SOX5: variants seen among roughly 807,000 people sequenced by gnomAD.
SOX5 encodes transcription factor SOX-5.
SOX5 carries 9 observed loss-of-function variants against 92.0 expected under a neutral mutation model. That is an observed-to-expected ratio of 0.10 (90% CI 0.06 to 0.17). The LOEUF (loss-of-function observed/expected upper bound fraction) is 0.17, where lower values mean the gene tolerates loss of function less well. SOX5 is among the 10% of genes least tolerant of loss of function. The pLI, the probability that SOX5 is intolerant of heterozygous loss-of-function variation, is 1.00. For missense variants in SOX5, 642 were observed against 944.5 expected (o/e 0.68, Z 4.20); for synonymous variants, 344 against 336.3 (o/e 1.02, Z -0.25).
At chr12:23,694,422 A>T (rs1039071475) in intron 6 of SOX5, among the ~76,000 whole-genome samples, 16 of 151,752 alleles carry the variant, frequency 1.1e-4, no homozygotes, top group African/African-American at 3.9e-4. Context: ...CCTCATTTTC[A>T]TATTTCTCAT....
intron 1 of SOX5, among the ~76,000 whole-genome samples, chr12:24,557,659 C>A (rs1953943377): frequency 6.6e-6 from 1 of 152,170 alleles, no homozygotes; most frequent in Admixed American, 6.5e-5. Context: ...ATCCCTATGA[C>A]TACTGTATTA....
At chr12:23,577,191 A>ATTTTTTTTTT (rs1175798388) in intron 9 of SOX5, among the ~76,000 whole-genome samples, 1 of 61,406 alleles carries the variant, frequency 1.6e-5, no homozygotes, top group Non-Finnish European at 3.2e-5. Context: ...ATATATATAT[A>ATTTTTTTTTT]TTTTTTTTTT....
intron 4 of SOX5, among the ~76,000 whole-genome samples, chr12:24,161,144 G>A (rs1210784764): frequency 6.6e-6 from 1 of 152,136 alleles, no homozygotes; most frequent in Non-Finnish European, 1.5e-5. Context: ...AGTCCTGCCT[G>A]AAAGGCAGTG....
intron 4 of SOX5, among the ~76,000 whole-genome samples, chr12:24,098,056 T>G (rs1310559927): frequency 2.6e-5 from 4 of 152,158 alleles, no homozygotes; most frequent in Admixed American, 1.3e-4. Flanking sequence ...TTTATGAATT[T>G]TAGTCACTAG....
At chr12:24,409,783 C>T (rs1472541354) in intron 1 of SOX5, among the ~76,000 whole-genome samples, 1 of 152,170 alleles carries the variant, frequency 6.6e-6, no homozygotes, top group East Asian at 1.9e-4. Flanking sequence ...TGCTTAGCTG[C>T]TATCTGTATA....
At chr12:24,108,541 CT>C (rs776263663) in intron 4 of SOX5, among the ~76,000 whole-genome samples, 3 of 152,010 alleles carry the variant, frequency 2.0e-5, no homozygotes, top group Non-Finnish European at 4.4e-5. Context: ...CTATAAGTAT[CT>C]TTATAAGTAC....
At chr12:24,384,464 T>C (rs888497670) in intron 1 of SOX5, among the ~76,000 whole-genome samples, 1 of 152,098 alleles carries the variant, frequency 6.6e-6, no homozygotes, top group Non-Finnish European at 1.5e-5. Flanking sequence ...AGAATCATAG[T>C]GATGCTGGCA....
chr12:24,252,113 G>T (rs529840896), intron 3 of SOX5, among the ~76,000 whole-genome samples: 1 of 152,216 alleles, frequency 6.6e-6, no homozygotes, highest in South Asian at 2.1e-4. Context: ...GGAAAAGAAA[G>T]ACATCTCCTA....
At chr12:23,552,579 A>G (rs182436000) in intron 11 of SOX5, among the ~76,000 whole-genome samples, 55 of 152,096 alleles carry the variant, frequency 3.6e-4, no homozygotes, top group African/African-American at 1.3e-3. Flanking sequence ...AAAAGAATAA[A>G]CAGCTGTTAT....
chr12:23,637,296 C>T (rs1188891356), intron 8 of SOX5, among the ~76,000 whole-genome samples: 2 of 152,118 alleles, frequency 1.3e-5, no homozygotes, highest in Non-Finnish European at 2.9e-5. Context: ...GTGAGTTTAT[C>T]ACTACCTACT....
At chr12:23,899,808 G>A (rs2097213477) in intron 1 of SOX5, among the ~76,000 whole-genome samples, 1 of 152,114 alleles carries the variant, frequency 6.6e-6, no homozygotes, top group Admixed American at 6.5e-5. Context: ...CTTATTTAAT[G>A]GGAATAAAAA....
At chr12:23,610,643 C>T (rs2075839369) in intron 8 of SOX5, among the ~76,000 whole-genome samples, 1 of 151,940 alleles carries the variant, frequency 6.6e-6, no homozygotes, top group Non-Finnish European at 1.5e-5. Context: ...ATTTGGCATG[C>T]TTGTACAATC....
At chr12:23,930,885 T>G (rs1022154981) in intron 1 of SOX5, among the ~76,000 whole-genome samples, 1 of 151,690 alleles carries the variant, frequency 6.6e-6, no homozygotes, top group Admixed American at 6.6e-5. Flanking sequence ...CACCTTCTCC[T>G]CAGAAAGACC....
chr12:24,238,417 C>T (rs149284094), intron 3 of SOX5, among the ~76,000 whole-genome samples: 15 of 152,172 alleles, frequency 9.9e-5, no homozygotes, highest in Non-Finnish European at 2.2e-4. Context: ...AGGGGCATGA[C>T]CTCAGGTCAC....
chr12:23,765,066 C>T (rs1199618335), intron 3 of SOX5, among the ~76,000 whole-genome samples: 1 of 152,004 alleles, frequency 6.6e-6, no homozygotes, highest in South Asian at 2.1e-4. Context: ...TGTTCTAATA[C>T]ATAGAATCAG....
rs141307220 is a variant in SOX5, at chr12:24,326,907, T to C, written c.-174+41656A>G. On this transcript the variant is annotated intron_variant, in intron 2 of 4. Transcript: ENST00000446891. Reference sequence around the variant, plus strand: ...TCTGCCTTTTTTACTTGCATTGGTTTTTCCATCATCTGTCTTCCCCTCTTA... The same window carrying C: ...TCTGCCTTTTTTACTTGCATTGGTTCTTCCATCATCTGTCTTCCCCTCTTA... Among the ~76,000 whole-genome samples, 937 of 152,204 alleles carry C rather than the reference T, an allele frequency of 6.2e-3. 44 individuals are homozygous for C. The highest frequency in any genetic ancestry group is 0.055 in the Admixed American group (838 of 15,276).
chr12:23,587,168 A>G (rs991791020), intron 9 of SOX5, among the ~76,000 whole-genome samples: 12 of 152,054 alleles, frequency 7.9e-5, no homozygotes, highest in South Asian at 2.1e-4. Flanking sequence ...AACTTAAATT[A>G]TTATATAGCT....
At chr12:24,008,871 A>G (rs1952608997) in intron 4 of SOX5, among the ~76,000 whole-genome samples, 1 of 152,068 alleles carries the variant, frequency 6.6e-6, no homozygotes, top group African/African-American at 2.4e-5. Flanking sequence ...CCCTGTGACT[A>G]CTTTTAGTCC....
At chr12:23,722,175 G>T (rs1337964213) in intron 6 of SOX5, among the ~76,000 whole-genome samples, 1 of 152,106 alleles carries the variant, frequency 6.6e-6, no homozygotes, top group Non-Finnish European at 1.5e-5. Flanking sequence ...TCTATTTGTG[G>T]AACTTACAGC....
Sources: allele counts gnomAD v4.1 joint callset (sites outside exome capture counted in the v4.1 genomes callset), GRCh38; gene constraint gnomAD v4.1.1; transcripts MANE v1.5; gene names NCBI Gene and HGNC (gene_info 2026-07-23, HGNC 2026-07-21).